PHLDB2: variants seen among roughly 807,000 people sequenced by gnomAD.
The protein encoded by PHLDB2 is pleckstrin homology-like domain family B member 2.
In PHLDB2, 71 loss-of-function variants were observed where a neutral mutation model predicts 123.6. The ratio of observed to expected loss-of-function variants is 0.57; its 90% CI spans 0.47 to 0.70. The LOEUF (loss-of-function observed/expected upper bound fraction) is 0.70. Among genes scored for constraint, PHLDB2 ranks in the 30% least tolerant of loss-of-function variants. The probability of loss-of-function intolerance (pLI) is 0.00; values close to 1 mark genes in which losing one functional copy is unlikely to be tolerated. For synonymous variants in PHLDB2, 547 were observed against 541.6 expected (o/e 1.01, Z -0.14); for missense variants, 1,446 against 1,519.5 (o/e 0.95, Z 0.80).
At position 111,848,945 on chromosome 3, in the gene PHLDB2, C is replaced by G. The variant is rs539318336; in HGVS notation, c.67+3010C>G. 7.2e-5 allele frequency among the ~76,000 whole-genome samples: 11 copies of G among 152,250 alleles called. No homozygotes were observed. In the South Asian group the frequency reaches 2.3e-3, roughly 32 times the overall value. On this transcript the variant is annotated intron_variant, in intron 2 of 17. Coordinates refer to the PHLDB2 transcript ENST00000393923. ...CTGGGTGTGTAACAGACTATGCCAC[C>G]TAGGTTTGTGTAAGTGGACTCTATG...
At chr3:111,868,063 G>C (rs1353887824) in intron 1 of PHLDB2, among the ~76,000 whole-genome samples, 2 of 151,762 alleles carry the variant, frequency 1.3e-5, no homozygotes, top group African/African-American at 2.4e-5. Flanking sequence ...GCAGTGGCAT[G>C]ATCATGGCTC....
At chr3:111,831,411 G>A (rs1235529635) in intron 1 of PHLDB2, among the ~76,000 whole-genome samples, 1 of 151,658 alleles carries the variant, frequency 6.6e-6, no homozygotes, top group East Asian at 1.9e-4. Flanking sequence ...TGAAGAGAAA[G>A]TGGGTCTTCC....
At chr3:111,741,521 A>T (rs199954271) in intron 1 of PHLDB2, among the ~76,000 whole-genome samples, 1 of 135,402 alleles carries the variant, frequency 7.4e-6, no homozygotes, top group East Asian at 4.4e-4. Context: ...GTGTGTGTCC[A>T]TGTGTGTGTG....
At chr3:111,753,430 G>T (rs2059821434) in intron 1 of PHLDB2, among the ~76,000 whole-genome samples, 1 of 148,040 alleles carries the variant, frequency 6.8e-6, no homozygotes, top group Non-Finnish European at 1.5e-5. Context: ...TGTGTTTTTT[G>T]GCTGCATAAA....
In PHLDB2 at chr3:111,920,420, G is replaced by T; in HGVS notation, c.2001+1G>T. The stretch of plus-strand genomic sequence containing the variant: ...GAACATTGTTGGTGAAAAGACCAAG[G>T]TAAAAGAAAATTATATTTCAATGCA... On this transcript the variant is annotated splice_donor_variant, in intron 5 of 17. Coordinates refer to ENST00000431670, the MANE Select transcript of PHLDB2 (RefSeq NM_001134438.2). LOFTEE classifies it high-confidence loss of function. The T allele has an allele frequency of 6.2e-7, 1 of 1,611,306 alleles. No individual in the cohort carries two copies. Among genetic ancestry groups the T allele is most frequent in the Non-Finnish European group, 8.5e-7 (1 of 1,179,152 alleles).
chr3:111,950,791 A>G (rs1400581414), intron 10 of PHLDB2, among the ~76,000 whole-genome samples: 1 of 152,168 alleles, frequency 6.6e-6, no homozygotes, highest in Non-Finnish European at 1.5e-5. Context: ...TATATCTCTC[A>G]CTGCCTTAAG....
In PHLDB2 at chr3:111,932,344, C is replaced by G; in HGVS notation, c.2077C>G (p.Leu693Val). 1 of 1,551,836 alleles carries G rather than the reference C, an allele frequency of 6.4e-7. No individual in the cohort carries two copies. The change falls in exon 6 of 18, where the codon CTG becomes GTG. Residue 693 changes from leucine (L) to valine (V), a missense_variant. Leu to Val is a conservative substitution (Grantham distance 32, BLOSUM62 1). Transcript: ENST00000431670. The part of the protein sequence containing the change: ...QELYSEQKTQ[L>V]DNCPESMREQ... ...GCTTTACTCCGAGCAGAAGACCCAGCTGGACAATTGTCCTGAGTCCATGAG... is the reference window on the plus strand; with the variant it reads ...GCTTTACTCCGAGCAGAAGACCCAGGTGGACAATTGTCCTGAGTCCATGAG...
intron 6 of PHLDB2, among the ~76,000 whole-genome samples, chr3:111,934,941 A>G (rs2069379073): frequency 6.6e-6 from 1 of 152,212 alleles, no homozygotes; most frequent in Admixed American, 6.5e-5. Context: ...TACTAATTGT[A>G]GATATCACTG....
intron 3 of PHLDB2, among the ~76,000 whole-genome samples, chr3:111,918,755 T>C (rs1170684041): frequency 2.0e-5 from 3 of 152,232 alleles, no homozygotes; most frequent in Non-Finnish European, 4.4e-5. Flanking sequence ...CTCTATAACC[T>C]TGGAGAAGTC....
chr3:111,811,981 C>T (rs574619018), intron 1 of PHLDB2, among the ~76,000 whole-genome samples: 10 of 152,238 alleles, frequency 6.6e-5, no homozygotes, highest in South Asian at 4.1e-4. Flanking sequence ...GAGAAAATTG[C>T]TTGGAATGTT....
At chr3:111,810,624 C>A (rs1271062919) in intron 1 of PHLDB2, among the ~76,000 whole-genome samples, 1 of 152,072 alleles carries the variant, frequency 6.6e-6, no homozygotes, top group Admixed American at 6.5e-5. Context: ...CCTAAAAGTT[C>A]TCTTTAAATA....
At chr3:111,955,937 A>T (rs904390128) in intron 12 of PHLDB2, among the ~76,000 whole-genome samples, 1 of 152,202 alleles carries the variant, frequency 6.6e-6, no homozygotes, top group Admixed American at 6.5e-5. Context: ...GTGGTGGCTC[A>T]TGCCTCTACT....
intron 12 of PHLDB2, among the ~76,000 whole-genome samples, chr3:111,954,396 G>A (rs983314764): frequency 3.9e-5 from 6 of 152,190 alleles, no homozygotes; most frequent in Non-Finnish European, 8.8e-5. Context: ...GAGCCACTAT[G>A]TCGAATGAAC....
chr3:111,924,855 GTCTC>G (rs2068730657), intron 5 of PHLDB2, among the ~76,000 whole-genome samples: 1 of 152,076 alleles, frequency 6.6e-6, no homozygotes, highest in South Asian at 2.1e-4. Context: ...TTGGGACAGA[GTCTC>G]TCTCTGTTGC....
At chr3:111,859,654 T>C in intron 1 of PHLDB2, 78 bp downstream of exon 1, 1 of 984,852 alleles carries the variant, frequency 1.0e-6, no homozygotes, top group Non-Finnish European at 1.2e-6. Flanking sequence ...CCGGGGACGC[T>C]GCCTCCCCCG....
At position 111,862,482 on chromosome 3, in the gene PHLDB2, G is replaced by A. The variant is rs192634839; in HGVS notation, c.-15+2906G>A. 6.0e-4 allele frequency among the ~76,000 whole-genome samples: 91 copies of A among 152,336 alleles called. 1 individual carries two copies. The East Asian group carries it at 0.017, about 28-fold the overall frequency. ...GTATTTTTGGTTGTAGCAACTGACA[G>A]GAGGAGAGTGCTACTGCCATATAGT... is the stretch of plus-strand genomic sequence containing the variant. On this transcript the variant is annotated intron_variant, in intron 1 of 17. Coordinates refer to ENST00000431670, the MANE Select transcript of PHLDB2 (RefSeq NM_001134438.2).
At chr3:111,872,057 T>C (rs891371377) in intron 1 of PHLDB2, among the ~76,000 whole-genome samples, 5 of 152,208 alleles carry the variant, frequency 3.3e-5, no homozygotes, top group African/African-American at 9.6e-5. Flanking sequence ...GTGGATTTAA[T>C]TTATGGATTG....
At chr3:111,789,059 G>C (rs1407245800) in intron 1 of PHLDB2, among the ~76,000 whole-genome samples, 1 of 152,188 alleles carries the variant, frequency 6.6e-6, no homozygotes, top group Non-Finnish European at 1.5e-5. Flanking sequence ...AGAAAGGAAT[G>C]CCAGGTTCAC....
At chr3:111,834,447 T>C (rs2063308419) in intron 1 of PHLDB2, among the ~76,000 whole-genome samples, 1 of 149,832 alleles carries the variant, frequency 6.7e-6, no homozygotes, top group Non-Finnish European at 1.5e-5. Flanking sequence ...ACTTACAACT[T>C]ATCATTCAGG....
Sources: allele counts gnomAD v4.1 joint callset (sites outside exome capture counted in the v4.1 genomes callset), GRCh38; gene constraint gnomAD v4.1.1; transcripts MANE v1.5; gene names NCBI Gene and HGNC (gene_info 2026-07-23, HGNC 2026-07-21).